The following EYS variants were observed in gnomAD, a reference collection of about 807,000 sequenced individuals.
EYS encodes the protein EGF-like photoreceptor maintenance factor.
EYS carries 250 observed loss-of-function variants against 282.1 expected under a neutral mutation model. The ratio of observed to expected loss-of-function variants is 0.89; its 90% CI spans 0.80 to 0.98. The LOEUF is 0.98. Ranked by LOEUF, EYS falls within the 50% of genes least tolerant of loss-of-function variation. The probability of loss-of-function intolerance (pLI) is 0.00; values close to 1 mark genes in which losing one functional copy is unlikely to be tolerated. For missense variants in EYS, 4,016 were observed against 3,709.0 expected, an observed-to-expected ratio of 1.08 and a Z score of -2.15; for synonymous variants, 1,355 against 1,282.9, an observed-to-expected ratio of 1.06 and a Z score of -1.20.
intron 33 of EYS, among the ~76,000 whole-genome samples, chr6:64,051,642 T>C (rs1211226234): frequency 6.6e-6 from 1 of 152,180 alleles, no homozygotes; most frequent in African/African-American, 2.4e-5. Flanking sequence ...TTAGTCAAGA[T>C]CACTAATTTT....
intron 12 of EYS, among the ~76,000 whole-genome samples, chr6:65,226,360 A>G (rs1302343528): frequency 6.6e-6 from 1 of 152,112 alleles, no homozygotes; most frequent in African/African-American, 2.4e-5. Context: ...ACTGCAGAAT[A>G]TTACTGAAAA....
chr6:65,446,453 G>A (rs1768660242), intron 5 of EYS, among the ~76,000 whole-genome samples: 1 of 151,816 alleles, frequency 6.6e-6, no homozygotes, highest in Non-Finnish European at 1.5e-5. Flanking sequence ...GCTTTGATTT[G>A]AAGAGGTACA....
chr6:63,996,586 A>T (rs1767848787), intron 34 of EYS, among the ~76,000 whole-genome samples: 1 of 152,090 alleles, frequency 6.6e-6, no homozygotes, highest in Non-Finnish European at 1.5e-5. Context: ...AAAAGAAAAC[A>T]TCATATAAAA....
intron 12 of EYS, among the ~76,000 whole-genome samples, chr6:65,253,401 A>G (rs1176028109): frequency 1.3e-5 from 2 of 151,884 alleles, no homozygotes; most frequent in Non-Finnish European, 2.9e-5. Context: ...AATATGTGAA[A>G]ATAAAATTAA....
intron 22 of EYS, among the ~76,000 whole-genome samples, chr6:64,654,529 G>A (rs1029606775): frequency 1.4e-4 from 21 of 152,282 alleles, no homozygotes; most frequent in African/African-American, 3.9e-4. Flanking sequence ...GAAGTTTTCC[G>A]ATTTGGCAGG....
At chr6:64,504,630 A>C (rs1182593170) in intron 26 of EYS, among the ~76,000 whole-genome samples, 1 of 152,206 alleles carries the variant, frequency 6.6e-6, no homozygotes, top group African/African-American at 2.4e-5. Context: ...CTCAGGAAGA[A>C]GTCTATAGCA....
intron 12 of EYS, among the ~76,000 whole-genome samples, chr6:65,149,792 C>T (rs1764567554): frequency 6.6e-6 from 1 of 152,104 alleles, no homozygotes; most frequent in South Asian, 2.1e-4. Flanking sequence ...TACCTCAGTA[C>T]CTATTTATTG....
At position 64,972,267 on chromosome 6, in the gene EYS, A is replaced by T. The variant is rs138871301; in HGVS notation, c.2259+25315T>A. On this transcript the variant is annotated intron_variant, in intron 14 of 42. Transcript: ENST00000503581. ...AACGTTGGTTTTGATTTCTTTTAGGACATAGACTCTTCTATAATACAGCTA... is the reference window on the plus strand; with the variant it reads ...AACGTTGGTTTTGATTTCTTTTAGGTCATAGACTCTTCTATAATACAGCTA... 8.8e-4 allele frequency among the ~76,000 whole-genome samples: 134 copies of T among 152,304 alleles called. 1 individual carries two copies. The highest frequency in any genetic ancestry group is 2.9e-4 in the Non-Finnish European group (20 of 68,026).
intron 12 of EYS, among the ~76,000 whole-genome samples, chr6:65,189,051 A>G (rs527224): frequency 0.053 from 7,973 of 151,732 alleles, 385 homozygotes; most frequent in African/African-American, 0.13. Flanking sequence ...TCTTAATTAT[A>G]TAGTTACAGT....
At chr6:64,979,808 T>C (rs1415397324) in intron 14 of EYS, among the ~76,000 whole-genome samples, 4 of 151,664 alleles carry the variant, frequency 2.6e-5, no homozygotes, top group Non-Finnish European at 4.4e-5. Flanking sequence ...TAAAGGATAT[T>C]TTAAAAGATA....
At chr6:64,978,594 C>T (rs577694136) in intron 14 of EYS, among the ~76,000 whole-genome samples, 20 of 151,804 alleles carry the variant, frequency 1.3e-4, no homozygotes, top group South Asian at 4.1e-4. Context: ...ATTCATAATG[C>T]TATAGCTGCT....
intron 5 of EYS, among the ~76,000 whole-genome samples, chr6:65,471,060 C>T (rs528311795): frequency 1.1e-4 from 16 of 151,818 alleles, no homozygotes; most frequent in Middle Eastern, 3.4e-3. Context: ...TCGCTTGAAC[C>T]CAGGAGGCAG....
At chr6:64,533,947 A>G (rs1764434824) in intron 26 of EYS, among the ~76,000 whole-genome samples, 1 of 152,000 alleles carries the variant, frequency 6.6e-6, no homozygotes, top group Non-Finnish European at 1.5e-5. Context: ...ATGTGACAAG[A>G]GGACATAGAG....
intron 19 of EYS, among the ~76,000 whole-genome samples, chr6:64,829,606 G>T (rs985450418): frequency 1.1e-4 from 17 of 151,932 alleles, no homozygotes; most frequent in Admixed American, 5.3e-4. Context: ...TAGATCTGTT[G>T]GTTTCATGAT....
At chr6:63,919,511 G>C (rs1283429895) in intron 35 of EYS, among the ~76,000 whole-genome samples, 1 of 151,900 alleles carries the variant, frequency 6.6e-6, no homozygotes, top group Non-Finnish European at 1.5e-5. Flanking sequence ...TATCTCCCTT[G>C]ATGGCAAAAT....
At chr6:64,628,009 G>A (rs1468324555) in intron 22 of EYS, among the ~76,000 whole-genome samples, 1 of 152,182 alleles carries the variant, frequency 6.6e-6, no homozygotes, top group African/African-American at 2.4e-5. Context: ...GAACCAGGGA[G>A]GCGGAGCTTG....
intron 22 of EYS, among the ~76,000 whole-genome samples, chr6:64,643,122 C>CAAAA (rs1554188071): frequency 2.6e-3 from 377 of 146,724 alleles, no homozygotes; most frequent in African/African-American, 5.0e-3. Context: ...TCCCCCCCCC[C>CAAAA]AAAAAAAAAC....
chr6:64,549,200 T>C (rs911761821), intron 26 of EYS, among the ~76,000 whole-genome samples: 1 of 152,186 alleles, frequency 6.6e-6, no homozygotes, highest in East Asian at 1.9e-4. Flanking sequence ...CACACACAGA[T>C]ACTCATCCAC....
At chr6:64,883,967 AT>A (rs1170190360) in intron 19 of EYS, among the ~76,000 whole-genome samples, 2 of 151,594 alleles carry the variant, frequency 1.3e-5, no homozygotes, top group African/African-American at 4.8e-5. Context: ...ACAAGTCTTC[AT>A]AAGAATAAGA....
Sources: allele counts gnomAD v4.1 joint callset (sites outside exome capture counted in the v4.1 genomes callset), GRCh38; gene constraint gnomAD v4.1.1; transcripts MANE v1.5; gene names NCBI Gene and HGNC (gene_info 2026-07-23, HGNC 2026-07-21).